The following SPSB3 variants were observed in gnomAD, a reference collection of about 807,000 sequenced individuals.
SPSB3 encodes SPRY domain-containing SOCS box protein 3.
A neutral mutation model predicts 29.5 loss-of-function variants in SPSB3; 18 were observed. The ratio of observed to expected loss-of-function variants is 0.61; its 90% confidence interval spans 0.42 to 0.91. The LOEUF (loss-of-function observed/expected upper bound fraction) is 0.91. Ranked by LOEUF, SPSB3 falls within the 40% of genes least tolerant of loss-of-function variation. The pLI is 0.00. For synonymous variants in SPSB3, 299 were observed against 214.1 expected (o/e 1.40, Z -3.46); for missense variants, 540 against 507.5 (o/e 1.06, Z -0.61).
At chr16:1,777,645 G>A (rs1362496145) in intron 6 of SPSB3, 102 bp downstream of exon 6, 1 of 1,543,832 alleles carries the variant, frequency 6.5e-7, no homozygotes, top group Non-Finnish European at 8.7e-7. Flanking sequence ...GCTTCTGGGA[G>A]GAACCCTTTC....
In SPSB3 at chr16:1,777,346, G is replaced by A. The variant is rs1007230112; in HGVS notation, c.819C>T (p.Ser273=). ...AGCACAGGTACTGGAGGGAAGTGGC[G>A]CTGGCACAGGAGCGGGTGACCTTCA... ...SSMKVTRSCA[S]ATSLQYLCCH... is the part of the protein sequence containing the mutation. Residue 273 remains serine, a synonymous_variant, in exon 7 of 7, where the codon AGC becomes AGT. Transcript: ENST00000566339. 63 of 1,607,530 alleles carry A rather than the reference G, an allele frequency of 3.9e-5. No individual in the cohort carries two copies. The highest frequency in any genetic ancestry group is 2.9e-4 in the African/African-American group (22 of 74,920).
chr16:1,777,566 G>A, intron 6 of SPSB3, 123 bp from the exon 7 acceptor site: 1 of 1,345,450 alleles, frequency 7.4e-7, no homozygotes. Context: ...GCAAGGCAGG[G>A]TGCACGCGCT....
At chr16:1,777,694 T>C in intron 6 of SPSB3, 53 bp downstream of exon 6, 1 of 1,598,826 alleles carries the variant, frequency 6.3e-7, no homozygotes, top group East Asian at 2.2e-5. Flanking sequence ...GCGGGGTGGC[T>C]GCCTCCCTCG....
intron 4 of SPSB3, 40 bp from the exon 5 acceptor site, chr16:1,778,088 G>T: frequency 6.2e-7 from 1 of 1,612,940 alleles, no homozygotes. Context: ...GGGCTGGGCT[G>T]CCGGAGCCAG....
chr16:1,781,151 C>A (rs755306638), intron 2 of SPSB3: 1 of 1,523,318 alleles, frequency 6.6e-7, no homozygotes, highest in East Asian at 2.5e-5. Flanking sequence ...TCCTGTCACC[C>A]CTGAGGCTGT....
At chr16:1,777,570 A>T in intron 6 of SPSB3, 127 bp from the exon 7 acceptor site, 1 of 1,336,050 alleles carries the variant, frequency 7.5e-7, no homozygotes, top group Non-Finnish European at 1.0e-6. Context: ...GGCAGGGTGC[A>T]CGCGCTGGCC....
chr16:1,781,778 C>A, intron 1 of SPSB3: 1 of 458,448 alleles, frequency 2.2e-6, no homozygotes, highest in Non-Finnish European at 4.0e-6. Context: ...GGCTGCCCCG[C>A]CCGCCTGTCC....
intron 5 of SPSB3, 34 bp downstream of exon 5, chr16:1,777,912 G>A (rs2042738149): frequency 1.2e-6 from 2 of 1,611,796 alleles, no homozygotes; most frequent in Admixed American, 1.7e-5. Flanking sequence ...GGGAGCTCCA[G>A]GCTCGGCCCC....
At chr16:1,780,742 G>GT (rs918565223) in intron 2 of SPSB3, 15 of 162,422 alleles carry the variant, frequency 9.2e-5, no homozygotes, top group South Asian at 2.9e-4. Context: ...TTTTGTTTTT[G>GT]TTTTTTTTGA....
rs750661270 is a variant in SPSB3, at chr16:1,778,204, G to A, written c.422C>T (p.Thr141Ile). Residue 141 changes from threonine (T) to isoleucine (I), a missense_variant, in exon 4 of 7, where the codon ACC (threonine) becomes ATC (isoleucine). Transcript: ENST00000566339. ...YSCGTAAIRGTKELGEGQHFW... is the reference protein window; with the variant it reads ...YSCGTAAIRGIKELGEGQHFW... Reference sequence around the variant, plus strand: ...GTGCTGGCCCTCCCCCAGCTCCTTGGTGCCCCGGATGGCCGCTGTGCCGCA... The same window carrying A: ...GTGCTGGCCCTCCCCCAGCTCCTTGATGCCCCGGATGGCCGCTGTGCCGCA... The A allele has an allele frequency of 3.1e-6, 5 of 1,612,966 alleles. No homozygotes were observed. The highest frequency in any genetic ancestry group is 4.2e-6 in the Non-Finnish European group (5 of 1,179,966).
At position 1,781,096 on chromosome 16, in the gene SPSB3, G is replaced by A. The variant is rs1309802420; in HGVS notation, c.126+262C>T. On this transcript the variant is annotated intron_variant, in intron 2 of 6. Coordinates refer to ENST00000566339, the MANE Select transcript of SPSB3 (RefSeq NM_080861.4). ...CTGCCAACCTCTCCATGCACCATGT[G>A]TTTCAGAGGAGAAAGCACAGTGAAG... is the stretch of plus-strand genomic sequence containing the variant. The A allele has an allele frequency of 2.2e-6, 3 of 1,342,268 alleles. No individual in the cohort carries two copies. In the African/African-American group the frequency reaches 4.4e-5, roughly 19 times the overall value. The allele number at this position is 1,342,268 out of a possible 1,614,324, so 83.1% of individuals were successfully genotyped here. A position where few individuals can be genotyped will look rare whatever the true frequency, so the allele number is the denominator to read the frequency against.
In SPSB3 at chr16:1,781,386, G is replaced by T; in HGVS notation, c.98C>A (p.Thr33Asn). 1 of 1,612,846 alleles carries T rather than the reference G, an allele frequency of 6.2e-7. No homozygotes were observed. Among genetic ancestry groups the T allele is most frequent in the Non-Finnish European group, 8.5e-7 (1 of 1,179,998 alleles). ...CCCATCAGAGTCGTAGCCCCAGTTAGTGGAGCCTGCTAGAGCCACGGCCCG... is the reference window on the plus strand; with the variant it reads ...CCCATCAGAGTCGTAGCCCCAGTTATTGGAGCCTGCTAGAGCCACGGCCCG... ...DARAVALAGS[T>N]NWGYDSDGQH... is the part of the protein sequence containing the mutation. Residue 33 changes from threonine (T) to asparagine (N), a missense_variant, in exon 2 of 7, where the codon ACT becomes AAT. Thr to Asn is a moderately conservative substitution (Grantham distance 65, BLOSUM62 0). Transcript: ENST00000566339.
At position 1,777,122 on chromosome 16, in the gene SPSB3, T is replaced by C; in HGVS notation, c.1043A>G (p.Gln348Arg). 6.2e-7 allele frequency: 1 copy of C among 1,611,446 alleles called. No individual in the cohort carries two copies. Among genetic ancestry groups the C allele is most frequent in the Non-Finnish European group, 8.5e-7 (1 of 1,179,372 alleles). Reference protein sequence around the residue: ...HPSSREPRPCQRKRCRRT With the variant: ...HPSSREPRPCRRKRCRRT The stretch of plus-strand genomic sequence containing the variant: ...TCAGGTCCGGCGGCAGCGCTTCCTC[T>C]GGCAGGGCCGAGGCTCGCGACTGCT... The change falls in exon 7 of 7, where the codon CAG becomes CGG. Residue 348 changes from glutamine (Q) to arginine (R), a missense_variant. By Grantham distance (43) the Gln-to-Arg change is conservative. Coordinates refer to ENST00000566339, the MANE Select transcript of SPSB3 (RefSeq NM_080861.4).
chr16:1,778,385 C>G (rs748625016), intron 3 of SPSB3, 50 bp downstream of exon 3: 23 of 1,606,668 alleles, frequency 1.4e-5, no homozygotes, highest in Non-Finnish European at 1.8e-5. Flanking sequence ...CTGCCCACCC[C>G]CAGGCCCGCC....
rs147735377 is a variant in SPSB3 at position 1,777,132 on chromosome 16, G to T, written c.1033C>A (p.Arg345=). 22 of 1,611,512 alleles carry T rather than the reference G, an allele frequency of 1.4e-5. No homozygotes were observed. Among genetic ancestry groups the T allele is most frequent in the Non-Finnish European group, 1.7e-5 (20 of 1,179,684 alleles). ...TSAHPSSREP[R]PCQRKRCRRT ...CGGCAGCGCTTCCTCTGGCAGGGCC[G>T]AGGCTCGCGACTGCTGGGGTGGGCG... Residue 345 remains arginine (R), a synonymous_variant, in exon 7 of 7, where the codon CGG becomes AGG. Transcript: ENST00000566339.
At chr16:1,781,281 A>T (rs1896698538) in intron 2 of SPSB3, 77 bp downstream of exon 2, 2 of 1,611,754 alleles carry the variant, frequency 1.2e-6, no homozygotes, top group Non-Finnish European at 1.7e-6. Flanking sequence ...TTCCGTGTTC[A>T]GGTAATGTCT....
intron 2 of SPSB3, 99 bp from the exon 3 acceptor site, chr16:1,778,711 G>A: frequency 7.4e-7 from 1 of 1,360,088 alleles, no homozygotes; most frequent in Non-Finnish European, 9.8e-7. Context: ...ACCCACCCAG[G>A]AAAGGATGGG....
chr16:1,782,087 G>A (rs1228012622), intron 1 of SPSB3: 1 of 156,094 alleles, frequency 6.4e-6, no homozygotes, highest in African/African-American at 2.4e-5. Flanking sequence ...GCGAGGGCCA[G>A]GTCTGCGCTT....
chr16:1,778,387 A>T (rs1210543069), intron 3 of SPSB3, 48 bp downstream of exon 3: 1 of 1,606,622 alleles, frequency 6.2e-7, no homozygotes, highest in East Asian at 2.2e-5. Flanking sequence ...GCCCACCCCC[A>T]GGCCCGCCCG....
Sources: allele counts gnomAD v4.1 joint callset, GRCh38; gene constraint gnomAD v4.1.1; transcripts MANE v1.5; gene names NCBI Gene and HGNC (gene_info 2026-07-23, HGNC 2026-07-21).